QTMAN: variants seen among roughly 807,000 people sequenced by gnomAD.
QTMAN encodes the protein queuosine-tRNA mannosyltransferase.
At chr2:144,275,506 T>C in the QTMAN span, among the ~76,000 whole-genome samples, 1 of 152,228 alleles carries the variant, frequency 6.6e-6, no homozygotes, top group East Asian at 1.9e-4. Flanking sequence ...GACTCAGACT[T>C]TGACTTTGTC....
At chr2:144,311,296 T>C in the QTMAN span, among the ~76,000 whole-genome samples, 1 of 152,218 alleles carries the variant, frequency 6.6e-6, no homozygotes, top group Non-Finnish European at 1.5e-5. Flanking sequence ...TATGTAAAAA[T>C]CATCATCTTC....
chr2:144,008,063 C>T, the QTMAN span, among the ~76,000 whole-genome samples: 2 of 152,034 alleles, frequency 1.3e-5, no homozygotes, highest in South Asian at 2.1e-4. Flanking sequence ...ATTATCATTT[C>T]TCTCCTATCT....
chr2:143,995,194 C>T, the QTMAN span, among the ~76,000 whole-genome samples: 1 of 152,164 alleles, frequency 6.6e-6, no homozygotes, highest in Admixed American at 6.5e-5. Flanking sequence ...ATTTACAAGG[C>T]AGATGCTGCT....
chr2:144,177,489 T>C, the QTMAN span, among the ~76,000 whole-genome samples: 91 of 152,080 alleles, frequency 6.0e-4, no homozygotes, highest in African/African-American at 2.1e-3. Context: ...AGTCTAGAAA[T>C]AGATACAAAT....
At chr2:144,109,011 C>T in the QTMAN span, among the ~76,000 whole-genome samples, 2 of 152,118 alleles carry the variant, frequency 1.3e-5, no homozygotes, top group Admixed American at 1.3e-4. Context: ...AGATTCAATG[C>T]CATCCCCATC....
At chr2:144,036,427 AC>A in the QTMAN span, among the ~76,000 whole-genome samples, 1 of 152,172 alleles carries the variant, frequency 6.6e-6, no homozygotes, top group South Asian at 2.1e-4. Context: ...TTTGGAGAGA[AC>A]TAATATTTTT....
the QTMAN span, among the ~76,000 whole-genome samples, chr2:144,174,937 G>A: frequency 6.6e-6 from 1 of 152,118 alleles, no homozygotes; most frequent in Non-Finnish European, 1.5e-5. Flanking sequence ...CAAAAACAGT[G>A]AGGGAATCAG....
chr2:144,007,382 G>C, the QTMAN span: 4 of 1,613,318 alleles, frequency 2.5e-6, no homozygotes, highest in Non-Finnish European at 3.4e-6. Flanking sequence ...CAAGGCCACA[G>C]TGTGTATCAC....
the QTMAN span, among the ~76,000 whole-genome samples, chr2:144,285,933 C>A: frequency 6.6e-6 from 1 of 152,188 alleles, no homozygotes; most frequent in East Asian, 1.9e-4. Flanking sequence ...AGACAATTTT[C>A]CCTCCAGCTT....
At chr2:144,194,549 T>C in the QTMAN span, among the ~76,000 whole-genome samples, 2 of 152,336 alleles carry the variant, frequency 1.3e-5, no homozygotes, top group Admixed American at 6.5e-5. Flanking sequence ...TCAGTACATA[T>C]GTGCCTAATT....
At chr2:144,184,114 C>T in the QTMAN span, among the ~76,000 whole-genome samples, 1 of 152,100 alleles carries the variant, frequency 6.6e-6, no homozygotes, top group South Asian at 2.1e-4. Flanking sequence ...GAATAGCATC[C>T]TTATTTAAAA....
the QTMAN span, among the ~76,000 whole-genome samples, chr2:143,981,248 G>C: frequency 6.6e-6 from 1 of 152,042 alleles, no homozygotes; most frequent in African/African-American, 2.4e-5. Context: ...TACGGCTTTA[G>C]AATGAATGAA....
At chr2:144,162,312 G>A in the QTMAN span, among the ~76,000 whole-genome samples, 1 of 151,956 alleles carries the variant, frequency 6.6e-6, no homozygotes, top group Non-Finnish European at 1.5e-5. Context: ...AAAGACAGTG[G>A]GCCAATCAAA....
At chr2:144,290,994 T>C in the QTMAN span, among the ~76,000 whole-genome samples, 4 of 152,198 alleles carry the variant, frequency 2.6e-5, no homozygotes, top group Non-Finnish European at 5.9e-5. Flanking sequence ...GTTGATTCCT[T>C]AGAAGGGCTG....
At chr2:144,181,929 G>C in the QTMAN span, among the ~76,000 whole-genome samples, 1 of 152,062 alleles carries the variant, frequency 6.6e-6, no homozygotes, top group East Asian at 1.9e-4. Flanking sequence ...CACATGAAGA[G>C]CTCTGTGGGT....
chr2:144,175,535 A>G, the QTMAN span, among the ~76,000 whole-genome samples: 1 of 152,206 alleles, frequency 6.6e-6, no homozygotes, highest in Non-Finnish European at 1.5e-5. Context: ...AAGGCACTAA[A>G]TTCACATGGC....
At chr2:144,269,036 G>A in the QTMAN span, among the ~76,000 whole-genome samples, 8 of 152,098 alleles carry the variant, frequency 5.3e-5, no homozygotes, top group Non-Finnish European at 8.8e-5. Flanking sequence ...TGATCTGCCC[G>A]CCTCAGCCTC....
chr2:143,956,336 A>C, the QTMAN span, among the ~76,000 whole-genome samples: 2 of 152,092 alleles, frequency 1.3e-5, no homozygotes, highest in Non-Finnish European at 2.9e-5. Flanking sequence ...AATGGCTTTG[A>C]CTCAATGATG....
chr2:144,238,560 C>T, the QTMAN span, among the ~76,000 whole-genome samples: 2 of 152,102 alleles, frequency 1.3e-5, no homozygotes, highest in Non-Finnish European at 2.9e-5. Context: ...TCTCATAACA[C>T]TTTCATTCCT....
Sources: allele counts gnomAD v4.1 joint callset (sites outside exome capture counted in the v4.1 genomes callset), GRCh38; gene constraint gnomAD v4.1.1; transcripts MANE v1.5; gene names NCBI Gene and HGNC (gene_info 2026-07-23, HGNC 2026-07-21).